The following UGGT1 variants were observed in gnomAD, a reference collection of about 807,000 sequenced individuals.
The protein encoded by UGGT1 is UDP-glucose:glycoprotein glucosyltransferase 1.
Under a neutral mutation model 203.9 loss-of-function variants are expected in UGGT1, and 107 were observed. The ratio of observed to expected loss-of-function variants is 0.52; its 90% CI spans 0.45 to 0.62. The LOEUF is 0.62. Among genes scored for constraint, UGGT1 ranks in the 20% least tolerant of loss-of-function variants. UGGT1 has a pLI of 0.00. For synonymous variants in UGGT1, 628 were observed against 653.5 expected, an observed-to-expected ratio of 0.96 and a Z score of 0.59; for missense variants, 1,673 against 1,867.2, an observed-to-expected ratio of 0.90 and a Z score of 1.92.
At chr2:128,168,343 G>A (rs1314372705) in intron 26 of UGGT1, among the ~76,000 whole-genome samples, 1 of 152,168 alleles carries the variant, frequency 6.6e-6, no homozygotes, top group Non-Finnish European at 1.5e-5. Context: ...TGTTAATAAT[G>A]CCAGAGATCG....
At chr2:128,184,883 T>C (rs1173266950) in intron 38 of UGGT1, among the ~76,000 whole-genome samples, 1 of 152,180 alleles carries the variant, frequency 6.6e-6, no homozygotes, top group Non-Finnish European at 1.5e-5. Flanking sequence ...GGTTTCACCA[T>C]GTTGGCCAGG....
chr2:128,146,567 TTAATA>T (rs57680326), intron 18 of UGGT1, among the ~76,000 whole-genome samples: 86,670 of 151,182 alleles, frequency 0.57, 25,016 homozygotes, highest in East Asian at 0.66. Flanking sequence ...TATATAAATA[TTAATA>T]TATATAGTTC....
chr2:128,145,483 G>C (rs998813207), intron 17 of UGGT1, among the ~76,000 whole-genome samples: 1 of 139,826 alleles, frequency 7.2e-6, no homozygotes, highest in Non-Finnish European at 1.5e-5. Flanking sequence ...TTGACAGCCT[G>C]TGCTACACAC....
chr2:128,145,700 C>G, intron 17 of UGGT1, 103 bp from the exon 18 acceptor site: 1 of 1,015,516 alleles, frequency 9.8e-7, no homozygotes. Context: ...TACAATATTT[C>G]TATTGATTGT....
chr2:128,183,332 CT>C lies in UGGT1; in HGVS notation c.4245-342del, dbSNP rs11345136. Among the ~76,000 whole-genome samples the C allele has an allele frequency of 2.8e-3, 423 of 152,310 alleles. 2 individuals are homozygous for C. Among genetic ancestry groups the C allele is most frequent in the African/African-American group, 7.6e-3 (317 of 41,562 alleles). ...GTAACACTCTGGGGTTTTCCCCCCC[CT>C]GTAACATTGAAGACATCATCAGGAT... On this transcript the variant is annotated intron_variant, in intron 37 of 40. Coordinates refer to ENST00000259253, the MANE Select transcript of UGGT1 (RefSeq NM_020120.4).
chr2:128,106,498 A>G (rs1259946238), intron 3 of UGGT1, among the ~76,000 whole-genome samples: 2 of 151,828 alleles, frequency 1.3e-5, no homozygotes, highest in East Asian at 3.9e-4. Flanking sequence ...GCAGTATAAA[A>G]CCTTTTATAT....
chr2:128,186,650 G>A (rs757090733), intron 38 of UGGT1, 33 bp from the exon 39 acceptor site: 33 of 1,514,760 alleles, frequency 2.2e-5, no homozygotes, highest in Admixed American at 8.8e-5. Context: ...TTAGATACAT[G>A]TATTTTATTT....
intron 1 of UGGT1, among the ~76,000 whole-genome samples, chr2:128,095,372 TCTTCCCCTTCCCCTTCCC>T (rs1298053806): frequency 6.7e-6 from 1 of 149,474 alleles, no homozygotes; most frequent in Non-Finnish European, 1.5e-5. Context: ...TTCTTCTTCC[TCTTCCCCTTCCCCTTCCC>T]CTTCTCCTTC....
Position 128,133,157 on chromosome 2 carries a change from A to C in UGGT1, c.1394A>C (p.Glu465Ala), listed in dbSNP as rs779308626. ...TTTTTGTAGTGGGTCAACAACCTGG[A>C]GGTTGATAGCAGATATAATTCGTGG... ...SPAISWVNNL[E>A]VDSRYNSWPS... is the part of the protein sequence containing the mutation. Residue 465 changes from glutamate (E) to alanine (A), a missense_variant, in exon 14 of 41, where the codon GAG becomes GCG. Physicochemically the swap from Glu to Ala is moderately radical, Grantham distance 107 (BLOSUM62 -1). Around this residue, in one of 4 missense-constraint regions of UGGT1, gnomAD observed 1,073 missense variants for 1,078.7 expected, o/e 0.99. Coordinates refer to ENST00000259253, the MANE Select transcript of UGGT1 (RefSeq NM_020120.4). 1 of 1,613,962 alleles carries C rather than the reference A, an allele frequency of 6.2e-7. No individual in the cohort carries two copies. Among genetic ancestry groups the C allele is most frequent in the Non-Finnish European group, 8.5e-7 (1 of 1,179,902 alleles).
chr2:128,184,274 T>C (rs1398462333), intron 38 of UGGT1, among the ~76,000 whole-genome samples: 1 of 152,242 alleles, frequency 6.6e-6, no homozygotes, highest in Non-Finnish European at 1.5e-5. Flanking sequence ...TTAAGCATTT[T>C]TCAGAGGTGA....
chr2:128,106,331 A>G (rs1001597033), intron 3 of UGGT1, among the ~76,000 whole-genome samples: 1 of 152,158 alleles, frequency 6.6e-6, no homozygotes, highest in Admixed American at 6.5e-5. Flanking sequence ...AATTAAAGCT[A>G]TAGGAGTATG....
At chr2:128,182,316 C>T in intron 37 of UGGT1, 26 bp downstream of exon 37, 11 of 1,591,642 alleles carry the variant, frequency 6.9e-6, no homozygotes, top group Non-Finnish European at 9.4e-6. Flanking sequence ...ACTCCTAACA[C>T]TGTTACGGGG....
intron 24 of UGGT1, 122 bp from the exon 25 acceptor site, chr2:128,161,016 T>A: frequency 9.0e-7 from 1 of 1,115,150 alleles, no homozygotes; most frequent in Non-Finnish European, 1.3e-6. Context: ...CATGTACCTG[T>A]CTCAGGTCTT....
chr2:128,133,183 CCTT>C lies in UGGT1; in HGVS notation c.1423_1425del (p.Ser476del). The stretch of plus-strand genomic sequence containing the variant: ...GGTTGATAGCAGATATAATTCGTGG[CCTT>C]CTAGTTTACAAGAGTTGCTTCGACC... On this transcript the variant is annotated inframe_deletion, in exon 14 of 41. Coordinates refer to ENST00000259253, the MANE Select transcript of UGGT1 (RefSeq NM_020120.4). 6.2e-7 allele frequency: 1 copy of C among 1,614,034 alleles called. No homozygotes were observed. The highest frequency in any genetic ancestry group is 1.1e-5 in the South Asian group (1 of 91,078).
intron 11 of UGGT1, among the ~76,000 whole-genome samples, chr2:128,124,561 G>A (rs574170062): frequency 4.0e-5 from 6 of 151,462 alleles, no homozygotes; most frequent in Non-Finnish European, 8.8e-5. Context: ...CTTTGTTTGT[G>A]TTTCTTCTCT....
chr2:128,161,586 G>C (rs1690531529), intron 25 of UGGT1, among the ~76,000 whole-genome samples: 1 of 152,128 alleles, frequency 6.6e-6, no homozygotes, highest in Non-Finnish European at 1.5e-5. Flanking sequence ...TATGTAAAGT[G>C]ATACTTTTCA....
At chr2:128,116,605 A>G (rs917792208) in intron 8 of UGGT1, among the ~76,000 whole-genome samples, 3 of 151,556 alleles carry the variant, frequency 2.0e-5, no homozygotes, top group Admixed American at 1.3e-4. Context: ...ACTCACTGCA[A>G]CCTCCACTTT....
intron 37 of UGGT1, 64 bp from the exon 38 acceptor site, chr2:128,183,611 A>G (rs1691819817): frequency 1.9e-5 from 24 of 1,251,558 alleles, no homozygotes; most frequent in Non-Finnish European, 2.8e-5. Flanking sequence ...TCCATTATTC[A>G]TTGGGTTTAG....
intron 36 of UGGT1, 67 bp from the exon 37 acceptor site, chr2:128,182,063 A>G: frequency 6.5e-7 from 1 of 1,529,872 alleles, no homozygotes; most frequent in Non-Finnish European, 8.9e-7. Flanking sequence ...GCCACTCTGT[A>G]TCTGAAGGAA....
Sources: allele counts gnomAD v4.1 joint callset (sites outside exome capture counted in the v4.1 genomes callset), GRCh38; gene constraint gnomAD v4.1.1; regional missense constraint gnomAD v4.1.1; transcripts MANE v1.5; gene names NCBI Gene and HGNC (gene_info 2026-07-23, HGNC 2026-07-21).